NF1: variants seen among roughly 807,000 people sequenced by gnomAD.
The protein encoded by NF1 is neurofibromin 1, also known as neurofibromin.
In NF1, 122 loss-of-function variants were observed where a neutral mutation model predicts 325.7. That is an observed-to-expected ratio of 0.37 (90% CI 0.32 to 0.44). The LOEUF (loss-of-function observed/expected upper bound fraction) is 0.44. Ranked by LOEUF, NF1 falls within the 20% of genes least tolerant of loss-of-function variation. The pLI, the probability that NF1 is intolerant of heterozygous loss-of-function variation, is 1.00. For missense variants in NF1, 2,140 were observed against 3,415.4 expected (o/e 0.63, Z 9.31); for synonymous variants, 1,091 against 1,186.0 (o/e 0.92, Z 1.65).
intron 19 of NF1, 21 bp from the exon 20 acceptor site, chr17:31,227,502 T>G (rs2151427370): frequency 6.2e-7 from 1 of 1,613,096 alleles, no homozygotes; most frequent in Non-Finnish European, 8.5e-7. Context: ...TGCTTTCAAG[T>G]GATAATTGCC....
At chr17:31,345,463 C>T (rs1215270066) in intron 48 of NF1, 4 of 1,422,902 alleles carry the variant, frequency 2.8e-6, no homozygotes, top group South Asian at 1.5e-5. Context: ...CCCGGGGCTC[C>T]CTCCGGGGCC....
intron 31 of NF1, among the ~76,000 whole-genome samples, chr17:31,256,519 A>G (rs2067585840): frequency 1.3e-5 from 2 of 152,204 alleles, no homozygotes; most frequent in Admixed American, 6.5e-5. Flanking sequence ...TTCTAAAATT[A>G]TGTGAAGAAT....
At chr17:31,211,402 A>T (rs543197089) in intron 12 of NF1, among the ~76,000 whole-genome samples, 4 of 152,364 alleles carry the variant, frequency 2.6e-5, no homozygotes, top group African/African-American at 7.2e-5. Flanking sequence ...ATATTAGGCA[A>T]CCATGTTGGA....
chr17:31,255,796 A>G (rs1207035298), intron 31 of NF1, among the ~76,000 whole-genome samples: 1 of 152,184 alleles, frequency 6.6e-6, no homozygotes, highest in Non-Finnish European at 1.5e-5. Context: ...TCAAAGAAGT[A>G]TTTTGTCTAA....
At chr17:31,225,887 T>C (rs964454665) in intron 17 of NF1, among the ~76,000 whole-genome samples, 7 of 152,264 alleles carry the variant, frequency 4.6e-5, no homozygotes, top group Non-Finnish European at 1.0e-4. Flanking sequence ...ATTTTATCAA[T>C]TATTTTCTCC....
At chr17:31,222,346 T>C (rs2047172703) in intron 15 of NF1, 1 of 1,038,306 alleles carries the variant, frequency 9.6e-7, no homozygotes, top group African/African-American at 1.7e-5. Context: ...TTTCGATGAA[T>C]GAATTAATAA....
chr17:31,150,761 G>A (rs542972903), intron 1 of NF1, among the ~76,000 whole-genome samples: 57 of 152,060 alleles, frequency 3.7e-4, no homozygotes, highest in Non-Finnish European at 5.7e-4. Context: ...GCTGGGCACG[G>A]TGGCTCACGC....
intron 5 of NF1, 44 bp from the exon 6 acceptor site, chr17:31,181,378 T>C: frequency 6.5e-7 from 1 of 1,537,706 alleles, no homozygotes; most frequent in Non-Finnish European, 9.0e-7. Context: ...GTATTTGTGT[T>C]AACTTATTCT....
At chr17:31,265,435 C>A in intron 36 of NF1, 96 bp downstream of exon 36, 1 of 873,504 alleles carries the variant, frequency 1.1e-6, no homozygotes, top group South Asian at 1.4e-5. Context: ...GTTGACTTAA[C>A]AGGAATTGAA....
chr17:31,134,104 C>G (rs1699983887), intron 1 of NF1, among the ~76,000 whole-genome samples: 1 of 152,118 alleles, frequency 6.6e-6, no homozygotes, highest in Admixed American at 6.5e-5. Flanking sequence ...TCTTCGAACT[C>G]TTGGACTCAA....
At chr17:31,209,661 A>AGAGTCCCACTCC (rs2066689963) in intron 12 of NF1, among the ~76,000 whole-genome samples, 1 of 151,960 alleles carries the variant, frequency 6.6e-6, no homozygotes, top group Non-Finnish European at 1.5e-5. Context: ...TTCTTGAGAC[A>AGAGTCCCACTCC]GAGTCCCACT....
At chr17:31,179,326 A>G (rs1388544640) in intron 5 of NF1, among the ~76,000 whole-genome samples, 1 of 152,232 alleles carries the variant, frequency 6.6e-6, no homozygotes. Context: ...AGAAAAATAC[A>G]CAACGTACCA....
chr17:31,223,730 C>A (rs1170401111), intron 16 of NF1, among the ~76,000 whole-genome samples, 163 bp downstream of exon 16: 2 of 152,076 alleles, frequency 1.3e-5, no homozygotes, highest in African/African-American at 4.8e-5. Context: ...ACTGGCAAAT[C>A]AGCATTTTAA....
At chr17:31,325,716 A>G in intron 36 of NF1, 104 bp from the exon 37 acceptor site, 1 of 898,856 alleles carries the variant, frequency 1.1e-6, no homozygotes, top group Non-Finnish European at 1.7e-6. Context: ...GTTTTATATT[A>G]TTCTCTCTAG....
intron 36 of NF1, among the ~76,000 whole-genome samples, chr17:31,284,722 C>G (rs1353345543): frequency 6.6e-6 from 1 of 152,144 alleles, no homozygotes; most frequent in Non-Finnish European, 1.5e-5. Flanking sequence ...CTGTGCCCGG[C>G]CAAAAGTTTT....
chr17:31,346,274 T>C lies in NF1; in HGVS notation c.7190-2846T>C. 5.4e-6 allele frequency: 8 copies of C among 1,489,362 alleles called. No homozygotes were observed. In the South Asian group the frequency reaches 1.0e-4, roughly 19 times the overall value. The allele number at this position is 1,489,362 out of a possible 1,614,324, so 92.3% of individuals were successfully genotyped here. On this transcript the variant is annotated intron_variant, in intron 48 of 57. Transcript: ENST00000358273. ...TTGGTGCTGTGTCCAAATTAGAAGC[T>C]AGCTGAGGTAGCTTGCAGCATCTTT...
Position 31,302,279 on chromosome 17 carries a change from G to A in NF1, c.4836-23541G>A, listed in dbSNP as rs766846967. Among the ~76,000 whole-genome samples, 33 of 152,080 alleles carry A rather than the reference G, an allele frequency of 2.2e-4. 2 individuals are homozygous for A. The highest frequency in any genetic ancestry group is 2.9e-5 in the Non-Finnish European group (2 of 68,014). On this transcript the variant is annotated intron_variant, in intron 36 of 57. Transcript: ENST00000358273. ...CACTGTGGTCAGCTAATCAGCTCCC[G>A]TTTAATCTAAGAAAATTGGTATTTC...
At position 31,206,186 on chromosome 17, in the gene NF1, A is replaced by G. The variant is rs1407211418; in HGVS notation, c.1261-54A>G. The stretch of plus-strand genomic sequence containing the variant: ...AAAACTACAGTGATAAACAGAGCAT[A>G]CAACTCACGTAATTTTGTACTTTTT... On this transcript the variant is annotated intron_variant, in intron 11 of 57. Coordinates refer to ENST00000358273, the MANE Select transcript of NF1 (RefSeq NM_001042492.3). 4.4e-6 allele frequency: 7 copies of G among 1,601,854 alleles called. No individual in the cohort carries two copies. The South Asian group carries it at 6.6e-5, about 15-fold the overall frequency.
chr17:31,278,396 G>T (rs1597771871), intron 36 of NF1, among the ~76,000 whole-genome samples: 1 of 111,680 alleles, frequency 9.0e-6, no homozygotes, highest in Non-Finnish European at 1.8e-5. Flanking sequence ...TGGTCTTTTT[G>T]GATTTTTTGG....
Sources: gnomAD v4.1 joint callset for allele counts (sites outside exome capture counted in the v4.1 genomes callset) on GRCh38, gnomAD v4.1.1 for gene constraint, MANE v1.5 for transcripts, NCBI Gene and HGNC (gene_info 2026-07-23, HGNC 2026-07-21) for gene names.